The following ALPK1 variants were observed in gnomAD, a reference collection of about 807,000 sequenced individuals.
ALPK1 encodes alpha-protein kinase 1.
ALPK1 carries 110 observed loss-of-function variants against 120.6 expected under a neutral mutation model. That is an observed-to-expected ratio of 0.91 (90% CI 0.78 to 1.07). ALPK1 has a LOEUF of 1.07. Among genes scored for constraint, ALPK1 ranks in the 50% least tolerant of loss-of-function variants. The probability of loss-of-function intolerance (pLI) is 0.00; values close to 1 mark genes in which losing one functional copy is unlikely to be tolerated. For missense variants in ALPK1, 1,498 were observed against 1,483.9 expected (o/e 1.01, Z -0.16); for synonymous variants, 582 against 560.3 (o/e 1.04, Z -0.55).
intron 2 of ALPK1, among the ~76,000 whole-genome samples, chr4:112,321,370 G>T (rs1173152125): frequency 1.3e-5 from 2 of 151,920 alleles, no homozygotes; most frequent in African/African-American, 4.8e-5. Context: ...TCTTTGTTAT[G>T]TCTTTTCTTC....
At chr4:112,354,580 G>GCC (rs2148712799) in intron 2 of ALPK1, among the ~76,000 whole-genome samples, 1 of 152,242 alleles carries the variant, frequency 6.6e-6, no homozygotes, top group East Asian at 1.9e-4. Flanking sequence ...TGAATCTCGA[G>GCC]CCTCAGCCTC....
chr4:112,357,650 T>A (rs1405129322), intron 2 of ALPK1: 2 of 1,608,226 alleles, frequency 1.2e-6, no homozygotes, highest in African/African-American at 2.7e-5. Flanking sequence ...AAGCACCAGA[T>A]CTGGGTGGGG....
In ALPK1 at chr4:112,431,997, C is replaced by CA; in HGVS notation, c.2451dup (p.Cys818MetfsTer2). ...TCTCTGGGAAACATTTCCATGCTGC[C>CA]ATGTAGCTCCTTCACCCCTAATTGG... On this transcript the variant is annotated frameshift_variant, in exon 11 of 16. Coordinates refer to ENST00000650871, the MANE Select transcript of ALPK1 (RefSeq NM_025144.4). LOFTEE classifies it high-confidence loss of function. The CA allele has an allele frequency of 1.9e-6, 3 of 1,614,100 alleles. No individual in the cohort carries two copies. Among genetic ancestry groups the CA allele is most frequent in the Non-Finnish European group, 2.5e-6 (3 of 1,180,000 alleles).
chr4:112,321,297 C>T (rs1157695113), intron 2 of ALPK1, among the ~76,000 whole-genome samples: 1 of 152,066 alleles, frequency 6.6e-6, no homozygotes, highest in Admixed American at 6.6e-5. Context: ...TTTCAAAGAG[C>T]CAGCTTTTCA....
At chr4:112,383,301 A>ATT (rs1321535211) in intron 4 of ALPK1, 3 of 151,260 alleles carry the variant, frequency 2.0e-5, no homozygotes, top group East Asian at 1.9e-4. Flanking sequence ...ATATATATAT[A>ATT]TTTTCTCAAA....
intron 14 of ALPK1, 105 bp from the exon 15 acceptor site, chr4:112,440,812 A>AGTGTGC: frequency 7.5e-7 from 1 of 1,327,248 alleles, no homozygotes; most frequent in East Asian, 2.7e-5. Flanking sequence ...TATCTCTTTA[A>AGTGTGC]GTGTGTGTGT....
At chr4:112,315,876 GAGTTA>G (rs1475821038) in intron 2 of ALPK1, 24 bp downstream of exon 2, 2 of 152,078 alleles carry the variant, frequency 1.3e-5, no homozygotes, top group Admixed American at 1.3e-4. Context: ...TGAAACTTTT[GAGTTA>G]AGTTATTTTT....
chr4:112,441,410 C>A lies in ALPK1; in HGVS notation c.*200C>A. 1.6e-6 allele frequency: 1 copy of A among 626,496 alleles called. No individual in the cohort carries two copies. The highest frequency in any genetic ancestry group is 2.9e-6 in the Non-Finnish European group (1 of 350,178). The allele number at this position is 626,496 out of a possible 1,614,324, so 38.8% of individuals were successfully genotyped here. A position where few individuals can be genotyped will look rare whatever the true frequency, so the allele number is the denominator to read the frequency against. On this transcript the variant is annotated 3_prime_UTR_variant, in exon 16 of 16. Coordinates refer to ENST00000650871, the MANE Select transcript of ALPK1 (RefSeq NM_025144.4). ...CCGCTGCTTCTGGGCATAAGTCCTG[C>A]AAGGAAAGCAACATGGAAAACAGCC...
chr4:112,305,694 A>G (rs1302071488), intron 1 of ALPK1, among the ~76,000 whole-genome samples: 1 of 152,076 alleles, frequency 6.6e-6, no homozygotes, highest in Non-Finnish European at 1.5e-5. Context: ...TCATCTGCAA[A>G]CAGGGACAAT....
chr4:112,386,015 GT>G (rs1184276576), intron 4 of ALPK1, among the ~76,000 whole-genome samples: 3 of 152,192 alleles, frequency 2.0e-5, no homozygotes, highest in Non-Finnish European at 4.4e-5. Flanking sequence ...ACAGATCGAA[GT>G]TGAGAACAGA....
rs1303162932 is a variant in ALPK1, at chr4:112,382,419, G to A, written c.143G>A (p.Arg48Lys). 2.5e-6 allele frequency: 4 copies of A among 1,611,700 alleles called. No individual in the cohort carries two copies. The highest frequency in any genetic ancestry group is 3.4e-6 in the Non-Finnish European group (4 of 1,179,324). The change falls in exon 4 of 16, where the codon AGG (arginine) becomes AAG (lysine). Residue 48 changes from arginine (R) to lysine (K), a missense_variant. Physicochemically the swap from Arg to Lys is conservative, Grantham distance 26 (BLOSUM62 2). Coordinates refer to ENST00000650871, the MANE Select transcript of ALPK1 (RefSeq NM_025144.4). ...TCAGCTTTACTCCCCAGCGAGTTAAGGACCCTGATCCAGGAGGCAAAGGAA... is the reference window on the plus strand; with the variant it reads ...TCAGCTTTACTCCCCAGCGAGTTAAAGACCCTGATCCAGGAGGCAAAGGAA... ...RCRALLPSEL[R>K]TLIQEAKEMK...
At chr4:112,317,490 A>T (rs1353752836) in intron 2 of ALPK1, among the ~76,000 whole-genome samples, 1 of 152,162 alleles carries the variant, frequency 6.6e-6, no homozygotes, top group African/African-American at 2.4e-5. Context: ...CGTTTGTTGG[A>T]AAAAACTATT....
chr4:112,412,186 C>T lies in ALPK1; in HGVS notation c.475+161C>T, dbSNP rs541098605. Among the ~76,000 whole-genome samples the T allele has an allele frequency of 3.9e-5, 6 of 152,172 alleles. No homozygotes were observed. The South Asian group carries it at 6.2e-4, about 16-fold the overall frequency. The stretch of plus-strand genomic sequence containing the variant: ...TCCCCCGCCCCTGTGCCCTTCCACC[C>T]GCCTCTTTGCCAGCACAAAGGCCCT... On this transcript the variant is annotated intron_variant, in intron 5 of 15. Coordinates refer to ENST00000650871, the MANE Select transcript of ALPK1 (RefSeq NM_025144.4).
intron 4 of ALPK1, among the ~76,000 whole-genome samples, chr4:112,408,110 A>T (rs1161208294): frequency 7.9e-6 from 1 of 126,246 alleles, no homozygotes; most frequent in Non-Finnish European, 1.8e-5. Context: ...TCATCTCAAA[A>T]AAGACAAAAA....
At chr4:112,376,065 A>G (rs948462349) in intron 2 of ALPK1, among the ~76,000 whole-genome samples, 24 of 152,224 alleles carry the variant, frequency 1.6e-4, no homozygotes, top group African/African-American at 5.5e-4. Context: ...TGGCTCCCAG[A>G]CAGTTTGTGG....
At chr4:112,346,724 T>G (rs1028065230) in intron 2 of ALPK1, among the ~76,000 whole-genome samples, 11 of 152,246 alleles carry the variant, frequency 7.2e-5, no homozygotes, top group African/African-American at 2.7e-4. Flanking sequence ...TAAGACAAAT[T>G]GCTGTGTGAA....
chr4:112,429,522 C>T (rs1291020125), intron 10 of ALPK1, among the ~76,000 whole-genome samples: 3 of 152,060 alleles, frequency 2.0e-5, no homozygotes, highest in Non-Finnish European at 4.4e-5. Flanking sequence ...ATCAAAATCA[C>T]CCAAGGAACC....
chr4:112,331,639 T>G (rs1395400520), intron 2 of ALPK1, among the ~76,000 whole-genome samples: 1 of 152,248 alleles, frequency 6.6e-6, no homozygotes, highest in African/African-American at 2.4e-5. Flanking sequence ...TGCATAAACA[T>G]CAGTAAATCA....
Position 112,302,724 on chromosome 4 carries a change from T to C in ALPK1, c.-153+5255T>C, listed in dbSNP as rs577462389. 2.2e-4 allele frequency among the ~76,000 whole-genome samples: 29 copies of C among 131,720 alleles called. No individual in the cohort carries two copies. The East Asian group carries it at 5.3e-3, about 24-fold the overall frequency. 86.4% of individuals were successfully genotyped at this position (131,720 alleles called of 152,430 possible). ...TAAGCATGCTTAAGTGTGAGTATCC[T>C]GAAAAAAGCAAGCAAACAAACAAAC... On this transcript the variant is annotated intron_variant, in intron 1 of 15. Coordinates refer to ENST00000650871, the MANE Select transcript of ALPK1 (RefSeq NM_025144.4).
Sources: allele counts gnomAD v4.1 joint callset (sites outside exome capture counted in the v4.1 genomes callset), GRCh38; gene constraint gnomAD v4.1.1; transcripts MANE v1.5; gene names NCBI Gene and HGNC (gene_info 2026-07-23, HGNC 2026-07-21).